Variants in AGMO observed in about 807,000 individuals in gnomAD.
AGMO encodes alkylglycerol monooxygenase.
In AGMO, 75 loss-of-function variants were observed where a neutral mutation model predicts 60.2. That is an observed-to-expected ratio of 1.25 (90% confidence interval 1.03 to 1.51). The LOEUF is 1.51. AGMO is among the 40% of genes most tolerant of loss of function. The probability of loss-of-function intolerance (pLI) is 0.00; values close to 1 mark genes in which losing one functional copy is unlikely to be tolerated. For missense variants in AGMO, 763 were observed against 525.5 expected (o/e 1.45, Z -4.42); for synonymous variants, 261 against 177.1 (o/e 1.47, Z -3.76).
the AGMO span, among the ~76,000 whole-genome samples, chr7:15,180,205 C>A: frequency 6.6e-6 from 1 of 152,148 alleles, no homozygotes; most frequent in African/African-American, 2.4e-5. Flanking sequence ...TGTCATCAGG[C>A]TACAAATTTT....
chr7:15,451,054 T>G (rs1781843623), intron 3 of AGMO, among the ~76,000 whole-genome samples: 1 of 117,614 alleles, frequency 8.5e-6, no homozygotes. Flanking sequence ...TTGTCACATT[T>G]TATTATATGA....
chr7:15,528,225 G>A (rs1562553679), intron 3 of AGMO, among the ~76,000 whole-genome samples: 1 of 151,930 alleles, frequency 6.6e-6, no homozygotes, highest in African/African-American at 2.4e-5. Flanking sequence ...TGTGATTAAA[G>A]TATATATATA....
At chr7:15,135,028 G>A in the AGMO span, among the ~76,000 whole-genome samples, 1 of 151,362 alleles carries the variant, frequency 6.6e-6, no homozygotes, top group African/African-American at 2.4e-5. Context: ...CTGATTCCAG[G>A]AATAAATTAT....
the AGMO span, among the ~76,000 whole-genome samples, chr7:15,171,088 T>C: frequency 1.3e-5 from 2 of 152,006 alleles, no homozygotes; most frequent in Non-Finnish European, 2.9e-5. Flanking sequence ...CTCACACCAT[T>C]CTCCTGCCTT....
intron 12 of AGMO, among the ~76,000 whole-genome samples, chr7:15,270,384 A>G (rs1193259597): frequency 6.6e-6 from 1 of 151,880 alleles, no homozygotes; most frequent in Non-Finnish European, 1.5e-5. Context: ...TATGATGTTG[A>G]GCATTTTCAT....
At chr7:15,329,724 G>T (rs558245642) in intron 12 of AGMO, among the ~76,000 whole-genome samples, 2 of 152,262 alleles carry the variant, frequency 1.3e-5, no homozygotes, top group Admixed American at 6.5e-5. Context: ...TTTTCCCAGA[G>T]AATCAGAGAT....
chr7:15,184,465 A>AGGAAGGAAGGAAAAGGAGGGAG, the AGMO span, among the ~76,000 whole-genome samples: 1 of 136,702 alleles, frequency 7.3e-6, no homozygotes, highest in Non-Finnish European at 1.6e-5. Flanking sequence ...GGAGGTAAGA[A>AGGAAGGAAGGAAAAGGAGGGAG]GGAAGGAAGG....
At chr7:15,247,459 C>CACACACAGAGAGAG (rs139642069) in intron 12 of AGMO, among the ~76,000 whole-genome samples, 5 of 115,264 alleles carry the variant, frequency 4.3e-5, no homozygotes, top group African/African-American at 1.8e-4. Flanking sequence ...CACACACACA[C>CACACACAGAGAGAG]AGAGAGAGAG....
chr7:15,391,426 C>T (rs1784132790), intron 6 of AGMO, among the ~76,000 whole-genome samples: 1 of 152,016 alleles, frequency 6.6e-6, no homozygotes, highest in Admixed American at 6.6e-5. Flanking sequence ...TTTTTCAAAA[C>T]TCATATCATA....
At chr7:15,518,917 T>A (rs1358808685) in intron 3 of AGMO, among the ~76,000 whole-genome samples, 1 of 151,552 alleles carries the variant, frequency 6.6e-6, no homozygotes, top group African/African-American at 2.4e-5. Context: ...GCTAAGAATA[T>A]TGATAAAAAG....
chr7:15,560,002 T>A, intron 2 of AGMO, 139 bp downstream of exon 2: 1 of 781,006 alleles, frequency 1.3e-6, no homozygotes, highest in Non-Finnish European at 1.9e-6. Flanking sequence ...AATATCAAAA[T>A]TTTAAATAAT....
At chr7:15,501,203 T>G (rs1357680385) in intron 3 of AGMO, among the ~76,000 whole-genome samples, 1 of 152,050 alleles carries the variant, frequency 6.6e-6, no homozygotes, top group Non-Finnish European at 1.5e-5. Flanking sequence ...TAGGTCCATT[T>G]GGTCAAGTCT....
chr7:15,277,311 TAATAAATAAATAAATAAATAAATAAATA>T (rs35947599), intron 12 of AGMO, among the ~76,000 whole-genome samples: 1 of 144,902 alleles, frequency 6.9e-6, no homozygotes, highest in African/African-American at 2.5e-5. Flanking sequence ...TCTCAAAAAA[TAATAAATAAATAAATAAATAAATAAATA>T]AATAAATAAA....
At chr7:15,436,855 G>A (rs919682862) in intron 3 of AGMO, among the ~76,000 whole-genome samples, 1 of 152,086 alleles carries the variant, frequency 6.6e-6, no homozygotes, top group Non-Finnish European at 1.5e-5. Flanking sequence ...AGGGATTAAA[G>A]AGCTCAACAC....
intron 12 of AGMO, among the ~76,000 whole-genome samples, chr7:15,344,599 A>G (rs867921883): frequency 3.3e-5 from 5 of 152,078 alleles, no homozygotes; most frequent in East Asian, 1.9e-4. Flanking sequence ...TCAGGAGGCT[A>G]AAGTGTAAGG....
intron 12 of AGMO, among the ~76,000 whole-genome samples, chr7:15,236,792 T>C (rs1175211941): frequency 1.3e-5 from 2 of 152,020 alleles, no homozygotes; most frequent in Non-Finnish European, 2.9e-5. Context: ...TGGAGTCTAG[T>C]TACTAGTTAG....
chr7:15,299,475 T>C (rs1279109028), intron 12 of AGMO, among the ~76,000 whole-genome samples: 2 of 152,150 alleles, frequency 1.3e-5, no homozygotes, highest in Admixed American at 6.5e-5. Context: ...AGGACTGATA[T>C]CCATTTCTCA....
At chr7:15,145,742 G>A in the AGMO span, among the ~76,000 whole-genome samples, 1 of 152,026 alleles carries the variant, frequency 6.6e-6, no homozygotes, top group African/African-American at 2.4e-5. Context: ...ATTATTACCC[G>A]TAGGTTTTTG....
rs929395845 is a variant in AGMO, at chr7:15,561,854, T to C, written c.-9A>G. On this transcript the variant is annotated 5_prime_UTR_variant, in exon 1 of 13. Transcript: ENST00000342526. ...GCTTCTGGGTTCTTCATTTCTGCCC[T>C]TGTCTGATTCCCAGCTGGAGAATAT... The C allele has an allele frequency of 6.3e-7, 1 of 1,589,306 alleles. No homozygotes were observed. Among genetic ancestry groups the C allele is most frequent in the South Asian group, 1.1e-5 (1 of 88,040 alleles).
Sources: allele counts gnomAD v4.1 joint callset (sites outside exome capture counted in the v4.1 genomes callset), GRCh38; gene constraint gnomAD v4.1.1; transcripts MANE v1.5; gene names NCBI Gene and HGNC (gene_info 2026-07-23, HGNC 2026-07-21).